The following PARD3B variants were observed in gnomAD, a reference collection of about 807,000 sequenced individuals.
PARD3B encodes par-3 family cell polarity regulator beta.
A neutral mutation model predicts 130.2 loss-of-function variants in PARD3B; 103 were observed. The ratio of observed to expected loss-of-function variants is 0.79; its 90% CI spans 0.67 to 0.93. PARD3B has a LOEUF of 0.93. Among genes scored for constraint, PARD3B ranks in the 40% least tolerant of loss-of-function variants. The pLI is 0.00. For missense variants in PARD3B, 1,609 were observed against 1,499.2 expected (o/e 1.07, Z -1.21); for synonymous variants, 583 against 553.2 (o/e 1.05, Z -0.76).
chr2:204,760,189 A>AT (rs1263262332), intron 2 of PARD3B, among the ~76,000 whole-genome samples: 6 of 152,218 alleles, frequency 3.9e-5, no homozygotes, highest in East Asian at 1.9e-4. Context: ...CTTGTATGAT[A>AT]TTTTTCACCT....
chr2:204,583,392 G>A lies in PARD3B; in HGVS notation c.120+37273G>A, dbSNP rs1213123672. On this transcript the variant is annotated intron_variant, in intron 1 of 22. Coordinates refer to ENST00000406610, the MANE Select transcript of PARD3B (RefSeq NM_001302769.2). ...TCTCAAGAACAAAAAACCAAACACC[G>A]CATATTCTCACTCATAGGTGGGAAT... Among the ~76,000 whole-genome samples the A allele has an allele frequency of 2.9e-4, 31 of 107,490 alleles. No homozygotes were observed. The Middle Eastern group carries it at 0.013, about 44-fold the overall frequency. 70.5% of individuals were successfully genotyped at this position (107,490 alleles called of 152,430 possible).
intron 18 of PARD3B, among the ~76,000 whole-genome samples, chr2:205,348,884 A>G (rs1470519187): frequency 6.6e-6 from 1 of 152,226 alleles, no homozygotes; most frequent in Non-Finnish European, 1.5e-5. Context: ...TAATAATAAT[A>G]AAAGTCTTAG....
intron 16 of PARD3B, among the ~76,000 whole-genome samples, chr2:205,259,272 A>G (rs1196945058): frequency 6.6e-6 from 1 of 152,152 alleles, no homozygotes; most frequent in African/African-American, 2.4e-5. Flanking sequence ...TATGCCTTCC[A>G]GACATTCTTT....
At chr2:205,454,561 A>G (rs1354673070) in intron 20 of PARD3B, among the ~76,000 whole-genome samples, 1 of 152,148 alleles carries the variant, frequency 6.6e-6, no homozygotes, top group Non-Finnish European at 1.5e-5. Context: ...ACTTCAGTCA[A>G]TCCTGAGCAA....
At chr2:204,924,765 A>G (rs1421994816) in intron 2 of PARD3B, among the ~76,000 whole-genome samples, 1 of 152,108 alleles carries the variant, frequency 6.6e-6, no homozygotes, top group Admixed American at 6.6e-5. Context: ...CTGTTCACAA[A>G]CTGAAATAAG....
At chr2:204,800,161 G>A (rs2042516283) in intron 2 of PARD3B, among the ~76,000 whole-genome samples, 1 of 152,162 alleles carries the variant, frequency 6.6e-6, no homozygotes, top group African/African-American at 2.4e-5. Flanking sequence ...AATCCTATCA[G>A]ATAAATTTCA....
chr2:204,685,446 A>G (rs2037029537), intron 1 of PARD3B, among the ~76,000 whole-genome samples: 1 of 152,226 alleles, frequency 6.6e-6, no homozygotes, highest in Non-Finnish European at 1.5e-5. Flanking sequence ...AAGTAACTGA[A>G]TGAGCTAGAT....
chr2:204,831,742 T>C (rs2043829617), intron 2 of PARD3B, among the ~76,000 whole-genome samples: 1 of 152,168 alleles, frequency 6.6e-6, no homozygotes, highest in Admixed American at 6.5e-5. Context: ...TTTGCACTAA[T>C]AGGATATTCC....
intron 2 of PARD3B, among the ~76,000 whole-genome samples, chr2:204,709,299 G>A (rs73984277): frequency 2.2e-4 from 34 of 152,206 alleles, no homozygotes; most frequent in Non-Finnish European, 2.6e-4. Context: ...GATGCAGAAC[G>A]TACTGCAGTA....
intron 1 of PARD3B, among the ~76,000 whole-genome samples, chr2:204,680,355 T>A (rs1233396640): frequency 6.6e-6 from 1 of 152,054 alleles, no homozygotes; most frequent in Non-Finnish European, 1.5e-5. Flanking sequence ...AATTTATAGG[T>A]CCAAGGTTTT....
chr2:205,184,601 G>A (rs1049069973), intron 13 of PARD3B, among the ~76,000 whole-genome samples: 80 of 152,124 alleles, frequency 5.3e-4, no homozygotes, highest in Middle Eastern at 3.4e-3. Flanking sequence ...AATTAGCCAG[G>A]CGTGGTGGCG....
chr2:205,103,834 C>T (rs1005492224), intron 4 of PARD3B: 31 of 680,866 alleles, frequency 4.6e-5, no homozygotes, highest in Non-Finnish European at 5.6e-5. Context: ...TCTAACCTTT[C>T]TGTAGTGGGA....
At chr2:204,685,829 A>G (rs2037049701) in intron 1 of PARD3B, among the ~76,000 whole-genome samples, 1 of 152,158 alleles carries the variant, frequency 6.6e-6, no homozygotes, top group South Asian at 2.1e-4. Flanking sequence ...TCCTAGTTTC[A>G]GAAAGTACCC....
At chr2:205,284,588 C>T (rs555797013) in intron 16 of PARD3B, among the ~76,000 whole-genome samples, 31 of 152,126 alleles carry the variant, frequency 2.0e-4, no homozygotes, top group Non-Finnish European at 3.4e-4. Context: ...CCATTAATGG[C>T]GGTAATAATA....
chr2:205,273,817 T>G (rs1217531168), intron 16 of PARD3B, among the ~76,000 whole-genome samples: 1 of 152,226 alleles, frequency 6.6e-6, no homozygotes, highest in Non-Finnish European at 1.5e-5. Flanking sequence ...CCAAATGGAT[T>G]AATATTTGTA....
intron 2 of PARD3B, among the ~76,000 whole-genome samples, chr2:204,822,759 TTTGA>T (rs2043414786): frequency 6.6e-6 from 1 of 152,204 alleles, no homozygotes; most frequent in Non-Finnish European, 1.5e-5. Context: ...TACTTACTTC[TTTGA>T]TTGAAGACAA....
intron 16 of PARD3B, among the ~76,000 whole-genome samples, chr2:205,290,803 G>A (rs1240094298): frequency 3.3e-5 from 5 of 152,126 alleles, no homozygotes; most frequent in African/African-American, 9.7e-5. Context: ...TTATTAGGTC[G>A]TGATGCTGGA....
At chr2:204,727,150 A>G (rs570453918) in intron 2 of PARD3B, among the ~76,000 whole-genome samples, 1 of 152,272 alleles carries the variant, frequency 6.6e-6, no homozygotes, top group African/African-American at 2.4e-5. Flanking sequence ...GCTTGGTGTC[A>G]GAGCTGATGG....
At chr2:205,481,342 G>A (rs4675526) in intron 20 of PARD3B, among the ~76,000 whole-genome samples, 71,977 of 151,896 alleles carry the variant, frequency 0.47, 18,882 homozygotes, top group Admixed American at 0.61. Context: ...CAGGAGGCTG[G>A]GGTGGTGTCG....
Sources: allele counts gnomAD v4.1 joint callset (sites outside exome capture counted in the v4.1 genomes callset), GRCh38; gene constraint gnomAD v4.1.1; transcripts MANE v1.5; gene names NCBI Gene and HGNC (gene_info 2026-07-23, HGNC 2026-07-21).